Variants in ZNF793 observed in about 807,000 individuals in gnomAD.
The protein encoded by ZNF793 is zinc finger protein 793.
A neutral mutation model predicts 12.4 loss-of-function variants in ZNF793; 5 were observed. The ratio of observed to expected loss-of-function variants is 0.40; its 90% CI spans 0.21 to 0.84. ZNF793 has a LOEUF of 0.84. Among genes scored for constraint, ZNF793 ranks in the 40% least tolerant of loss-of-function variants. ZNF793 has a pLI of 0.35. For synonymous variants in ZNF793, 162 were observed against 172.4 expected (o/e 0.94, Z 0.47); for missense variants, 456 against 495.0 (o/e 0.92, Z 0.75).
At chr19:37,525,253 C>T (rs1363804351) in intron 5 of ZNF793, among the ~76,000 whole-genome samples, 3 of 151,914 alleles carry the variant, frequency 2.0e-5, no homozygotes, top group South Asian at 2.1e-4. Context: ...ATTCTCCTGC[C>T]TCAGCCTCCT....
chr19:37,522,242 G>T (rs2042381698), intron 3 of ZNF793, among the ~76,000 whole-genome samples: 1 of 152,132 alleles, frequency 6.6e-6, no homozygotes, highest in African/African-American at 2.4e-5. Flanking sequence ...TTGTCACCCA[G>T]GTTGGAGTGC....
intron 3 of ZNF793, among the ~76,000 whole-genome samples, chr19:37,520,614 G>A (rs2042367689): frequency 6.6e-6 from 1 of 152,214 alleles, no homozygotes; most frequent in Admixed American, 6.5e-5. Flanking sequence ...GGAGGCCAGA[G>A]TCTCATGGCG....
At chr19:37,517,002 C>A (rs191663493) in intron 2 of ZNF793, among the ~76,000 whole-genome samples, 2 of 152,278 alleles carry the variant, frequency 1.3e-5, no homozygotes, top group East Asian at 3.9e-4. Flanking sequence ...CAAGTGGATT[C>A]TCCCCATAGT....
intron 2 of ZNF793, among the ~76,000 whole-genome samples, chr19:37,516,334 C>A (rs1047118015): frequency 2.0e-5 from 3 of 152,084 alleles, no homozygotes; most frequent in Non-Finnish European, 4.4e-5. Context: ...GGGGTTTCAC[C>A]ATGTCAGTCA....
At chr19:37,533,574 G>T (rs1286198762) in intron 7 of ZNF793, 171 bp downstream of exon 7, 1 of 602,754 alleles carries the variant, frequency 1.7e-6, no homozygotes, top group Non-Finnish European at 3.0e-6. Context: ...GTTTTTCTCG[G>T]CTCTACTTGA....
intron 2 of ZNF793, among the ~76,000 whole-genome samples, chr19:37,510,702 CT>C (rs879328259): frequency 1.7e-3 from 240 of 139,172 alleles, no homozygotes; most frequent in South Asian, 1.9e-3. Flanking sequence ...AAATTCTTTT[CT>C]TTTTTTTTTT....
chr19:37,538,799 A>G lies in ZNF793; in HGVS notation c.*920A>G, dbSNP rs2042532413. The stretch of plus-strand genomic sequence containing the variant: ...ACTCTGGTATATTCCACAGTGAGCC[A>G]TACAATCAGCATTATTTGTATTTTG... On this transcript the variant is annotated 3_prime_UTR_variant, in exon 8 of 8. Coordinates refer to ENST00000627814, the MANE Select transcript of ZNF793 (RefSeq NM_001013659.3). 1 of 152,270 alleles carries G rather than the reference A, an allele frequency of 6.6e-6. No individual in the cohort carries two copies. Among genetic ancestry groups the G allele is most frequent in the African/African-American group, 2.4e-5 (1 of 41,468 alleles). The allele number at this position is 152,270 out of a possible 1,614,324, so 9.4% of individuals were successfully genotyped here.
At chr19:37,528,549 A>G (rs1164516536) in intron 5 of ZNF793, among the ~76,000 whole-genome samples, 2 of 152,134 alleles carry the variant, frequency 1.3e-5, no homozygotes, top group African/African-American at 4.8e-5. Context: ...GCTGAGGGCA[A>G]AGGCCACACC....
At chr19:37,533,669 T>C (rs950232226) in intron 7 of ZNF793, 10 of 512,100 alleles carry the variant, frequency 2.0e-5, no homozygotes, top group Non-Finnish European at 3.4e-5. Context: ...TAAAAGCTTC[T>C]ATGATTCTCC....
intron 2 of ZNF793, among the ~76,000 whole-genome samples, chr19:37,518,302 T>G (rs2042348766): frequency 2.0e-5 from 3 of 151,956 alleles, no homozygotes; most frequent in African/African-American, 7.3e-5. Context: ...ATTTTTTCTG[T>G]TTTTAGTAGA....
At chr19:37,514,575 C>CAGAT (rs57773647) in intron 2 of ZNF793, among the ~76,000 whole-genome samples, 12,294 of 149,148 alleles carry the variant, frequency 0.082, 559 homozygotes, top group Middle Eastern at 0.11. Context: ...GATAGATAGA[C>CAGAT]AGATAGATAG....
In ZNF793 at chr19:37,537,631, T is replaced by C. The variant is rs1195366029; in HGVS notation, c.973T>C (p.Tyr325His). The C allele has an allele frequency of 6.2e-7, 1 of 1,614,082 alleles. No homozygotes were observed. The highest frequency in any genetic ancestry group is 8.5e-7 in the Non-Finnish European group (1 of 1,179,994). The change falls in exon 8 of 8, where the codon TAC becomes CAC. Residue 325 changes from tyrosine (Y) to histidine (H), a missense_variant. Coordinates refer to ENST00000627814, the MANE Select transcript of ZNF793 (RefSeq NM_001013659.3). Reference sequence around the variant, plus strand: ...CGGGAAATCGTTTGGTGAGAAGTCATACCTCAATGTACATCGAAAAATGCA... The same window carrying C: ...CGGGAAATCGTTTGGTGAGAAGTCACACCTCAATGTACATCGAAAAATGCA... The part of the protein sequence containing the change: ...ECGKSFGEKS[Y>H]LNVHRKMHTG...
rs1388382823 is a variant in ZNF793, at chr19:37,539,143, A to C, written c.*1264A>C. The stretch of plus-strand genomic sequence containing the variant: ...ATTTTACTAAAATGTAGTTATTTAT[A>C]TTAAAAATGCAAGCTAAGGAATAGT... On this transcript the variant is annotated 3_prime_UTR_variant, in exon 8 of 8. Transcript: ENST00000627814. 6.6e-6 allele frequency: 1 copy of C among 152,228 alleles called. No individual in the cohort carries two copies. The allele number at this position is 152,228 out of a possible 1,614,324, so 9.4% of individuals were successfully genotyped here.
chr19:37,526,194 C>T (rs1198088506), intron 5 of ZNF793, among the ~76,000 whole-genome samples: 1 of 152,156 alleles, frequency 6.6e-6, no homozygotes, highest in African/African-American at 2.4e-5. Flanking sequence ...CTCACTGGAG[C>T]CTTGAACTCC....
chr19:37,513,792 A>G (rs2042310946), intron 2 of ZNF793, among the ~76,000 whole-genome samples: 1 of 152,192 alleles, frequency 6.6e-6, no homozygotes. Context: ...GTATTTTTTA[A>G]TGAAGATGGA....
At chr19:37,524,193 AT>A (rs2042396330) in intron 5 of ZNF793, among the ~76,000 whole-genome samples, 1 of 130,976 alleles carries the variant, frequency 7.6e-6, no homozygotes, top group African/African-American at 2.6e-5. Flanking sequence ...AATAATAATA[AT>A]AATAAAGGGT....
At position 37,527,970 on chromosome 19, in the gene ZNF793, A is replaced by T. The variant is rs1437524798; in HGVS notation, c.16-4386A>T. Among the ~76,000 whole-genome samples the T allele has an allele frequency of 6.6e-5, 10 of 151,700 alleles. No homozygotes were observed. In the South Asian group the frequency reaches 2.1e-3, roughly 32 times the overall value. ...CCTGTCTCTACTGAAAAAAAAAAAAAATACAAAAATTAGCTGGGCGTGGTG... is the reference window on the plus strand; with the variant it reads ...CCTGTCTCTACTGAAAAAAAAAAAATATACAAAAATTAGCTGGGCGTGGTG... On this transcript the variant is annotated intron_variant, in intron 5 of 7. Coordinates refer to ENST00000627814, the MANE Select transcript of ZNF793 (RefSeq NM_001013659.3).
chr19:37,525,298 C>T (rs1342192101), intron 5 of ZNF793, among the ~76,000 whole-genome samples: 4 of 151,802 alleles, frequency 2.6e-5, no homozygotes, highest in East Asian at 3.9e-4. Flanking sequence ...GCCACCATGC[C>T]CGGCTAATTT....
intron 2 of ZNF793, among the ~76,000 whole-genome samples, chr19:37,513,721 T>C (rs2042310353): frequency 6.6e-6 from 1 of 152,220 alleles, no homozygotes; most frequent in South Asian, 2.1e-4. Flanking sequence ...TGACATGATC[T>C]ATATGTGCTG....
Sources: allele counts gnomAD v4.1 joint callset (sites outside exome capture counted in the v4.1 genomes callset), GRCh38; gene constraint gnomAD v4.1.1; transcripts MANE v1.5; gene names NCBI Gene and HGNC (gene_info 2026-07-23, HGNC 2026-07-21).